YTHDC1: variants seen among roughly 807,000 people sequenced by gnomAD.
The protein encoded by YTHDC1 is YTH N6-methyladenosine RNA binding protein C1.
YTHDC1 carries 12 observed loss-of-function variants against 107.0 expected under a neutral mutation model. The observed-to-expected ratio is 0.11, with a 90% CI of 0.07 to 0.18. The LOEUF (loss-of-function observed/expected upper bound fraction) is 0.18, where lower values mean the gene tolerates loss of function less well. YTHDC1 is among the 10% of genes least tolerant of loss of function. The probability of loss-of-function intolerance (pLI) is 1.00; values close to 1 mark genes in which losing one functional copy is unlikely to be tolerated. For missense variants in YTHDC1, 635 were observed against 898.8 expected (o/e 0.71, Z 3.75); for synonymous variants, 280 against 289.5 (o/e 0.97, Z 0.33).
At chr4:68,344,540 G>A (rs1725206115) in intron 1 of YTHDC1, among the ~76,000 whole-genome samples, 1 of 152,152 alleles carries the variant, frequency 6.6e-6, no homozygotes, top group African/African-American at 2.4e-5. Flanking sequence ...ATTTTTATTT[G>A]GAATTGCATG....
intron 7 of YTHDC1, 70 bp downstream of exon 7, chr4:68,332,033 T>C: frequency 1.0e-6 from 1 of 963,376 alleles, no homozygotes. Context: ...CTACTTGATA[T>C]AATACAAGTC....
chr4:68,341,882 T>G (rs934493804), intron 1 of YTHDC1, among the ~76,000 whole-genome samples: 1 of 152,138 alleles, frequency 6.6e-6, no homozygotes, highest in Non-Finnish European at 1.5e-5. Context: ...AAGGTCAGTT[T>G]TGGGGAAAGG....
At position 68,337,130 on chromosome 4, in the gene YTHDC1, C is replaced by T. The variant is rs1432099754; in HGVS notation, c.780G>A (p.Glu260=). ...CACTTCGAGTGTCATAATCATTTCC[C>T]TCCTCTTTCTGGTCTCTCTCATCCT... ...YEQDERDQKE[E]GNDYDTRSEA... Residue 260 remains glutamate (E), a synonymous_variant, in exon 4 of 17, where the codon GAG becomes GAA. Coordinates refer to ENST00000344157, the MANE Select transcript of YTHDC1 (RefSeq NM_001031732.4). 5 of 1,613,878 alleles carry T rather than the reference C, an allele frequency of 3.1e-6. No homozygotes were observed. In the African/African-American group the frequency reaches 5.3e-5, roughly 17 times the overall value.
intron 16 of YTHDC1, 118 bp from the exon 17 acceptor site, chr4:68,314,441 C>A: frequency 1.2e-6 from 1 of 856,948 alleles, no homozygotes; most frequent in Non-Finnish European, 1.7e-6. Flanking sequence ...AGAAAAGTCT[C>A]TGTATTATAA....
intron 1 of YTHDC1, among the ~76,000 whole-genome samples, chr4:68,341,869 A>C (rs971501796): frequency 6.6e-6 from 1 of 152,148 alleles, no homozygotes; most frequent in Non-Finnish European, 1.5e-5. Flanking sequence ...GAGGCACTTA[A>C]AAAAGGTCAG....
chr4:68,334,836 C>A (rs1294684652), intron 4 of YTHDC1, among the ~76,000 whole-genome samples: 1 of 151,992 alleles, frequency 6.6e-6, no homozygotes, highest in African/African-American at 2.4e-5. Context: ...CCAGCCTGGG[C>A]AACATAGCAA....
At chr4:68,314,712 T>C (rs1318665788) in intron 16 of YTHDC1, among the ~76,000 whole-genome samples, 1 of 152,218 alleles carries the variant, frequency 6.6e-6, no homozygotes, top group African/African-American at 2.4e-5. Context: ...GTCATCAATG[T>C]TTTTCTGGCA....
At chr4:68,338,145 G>A (rs1724423369) in intron 2 of YTHDC1, 138 bp downstream of exon 2, 4 of 1,296,580 alleles carry the variant, frequency 3.1e-6, no homozygotes, top group South Asian at 2.9e-5. Context: ...TATTCATATG[G>A]ATACCAGTTT....
Position 68,337,914 on chromosome 4 carries a change from TG to T in YTHDC1, c.131-15del. ...TTCTTTTTGATCCTTTAAAATACAATGTAAAAAAAAAAAAAAGAAGTATTTG... is the reference window on the plus strand; with the variant it reads ...TTCTTTTTGATCCTTTAAAATACAATTAAAAAAAAAAAAAAGAAGTATTTG... On this transcript the variant is annotated splice_polypyrimidine_tract_variant and intron_variant, in intron 2 of 16. Coordinates refer to ENST00000344157, the MANE Select transcript of YTHDC1 (RefSeq NM_001031732.4). 1 of 1,571,820 alleles carries T rather than the reference TG, an allele frequency of 6.4e-7. No individual in the cohort carries two copies. Among genetic ancestry groups the T allele is most frequent in the South Asian group, 1.2e-5 (1 of 85,182 alleles).
At chr4:68,318,057 T>C (rs1722054076) in intron 15 of YTHDC1, among the ~76,000 whole-genome samples, 2 of 152,194 alleles carry the variant, frequency 1.3e-5, no homozygotes, top group South Asian at 4.1e-4. Context: ...TTTTAGTCTT[T>C]AGTTTGAAAG....
chr4:68,318,487 T>TA, intron 15 of YTHDC1, 32 bp downstream of exon 15: 1 of 1,561,852 alleles, frequency 6.4e-7, no homozygotes, highest in Non-Finnish European at 8.7e-7. Context: ...CAAATTAAGT[T>TA]ATGTAACTTA....
intron 9 of YTHDC1, among the ~76,000 whole-genome samples, chr4:68,328,585 G>A (rs1251258125): frequency 1.3e-5 from 2 of 152,234 alleles, no homozygotes; most frequent in South Asian, 2.1e-4. Flanking sequence ...ATATATTTAA[G>A]AGACAAACTA....
At chr4:68,338,014 T>TAAA in intron 2 of YTHDC1, 114 bp from the exon 3 acceptor site, 1 of 1,467,320 alleles carries the variant, frequency 6.8e-7, no homozygotes, top group Non-Finnish European at 8.9e-7. Context: ...CTCATTTCTT[T>TAAA]AAAAGTCTTC....
At chr4:68,317,065 T>G (rs1182216882) in intron 15 of YTHDC1, among the ~76,000 whole-genome samples, 1 of 152,096 alleles carries the variant, frequency 6.6e-6, no homozygotes, top group Non-Finnish European at 1.5e-5. Flanking sequence ...ACCTTGTCTC[T>G]ATAAAAAAAT....
Position 68,330,230 on chromosome 4 carries a change from A to G in YTHDC1, c.1203T>C (p.Phe401=). ...GAAATTTTCCACTCTCTCTGACAGAAAATATTAAGATAACACTCCTTGCAG... is the reference window on the plus strand; with the variant it reads ...GAAATTTTCCACTCTCTCTGACAGAGAATATTAAGATAACACTCCTTGCAG... The part of the protein sequence containing the change: ...FRSARSVILI[F]SVRESGKFQG... Residue 401 remains phenylalanine (F), a synonymous_variant, in exon 8 of 17, where the codon TTT becomes TTC. Transcript: ENST00000344157. The G allele has an allele frequency of 6.2e-7, 1 of 1,604,174 alleles. No individual in the cohort carries two copies. The highest frequency in any genetic ancestry group is 1.1e-5 in the South Asian group (1 of 89,120).
At chr4:68,328,589 C>G (rs1259453048) in intron 9 of YTHDC1, among the ~76,000 whole-genome samples, 3 of 152,180 alleles carry the variant, frequency 2.0e-5, no homozygotes, top group Non-Finnish European at 2.9e-5. Context: ...ATTTAAGAGA[C>G]AAACTATAAT....
chr4:68,346,697 C>A (rs185375522), intron 1 of YTHDC1, among the ~76,000 whole-genome samples: 2 of 152,228 alleles, frequency 1.3e-5, no homozygotes, highest in Non-Finnish European at 2.9e-5. Context: ...ATGGCAGTGT[C>A]AGTGTTCAAA....
Position 68,332,187 on chromosome 4 carries a change from A to T in YTHDC1, c.1038T>A (p.Ser346Arg). Residue 346 changes from serine to arginine, a missense_variant, in exon 7 of 17, where the codon AGT becomes AGA. By Grantham distance (110) the Ser-to-Arg change is moderately radical. Transcript: ENST00000344157. ...CATCTTGAAGCACATATTTGAGTTT[A>T]CTGGTTTGATCTGAAAAAAAAAGAA... ...SVRAVRKDQT[S>R]KLKYVLQDAR... 1 of 1,601,484 alleles carries T rather than the reference A, an allele frequency of 6.2e-7. No individual in the cohort carries two copies.
chr4:68,333,247 C>A, intron 5 of YTHDC1, 61 bp downstream of exon 5: 1 of 1,337,368 alleles, frequency 7.5e-7, no homozygotes, highest in South Asian at 1.3e-5. Context: ...ACAGCCTCCA[C>A]ACGCTTTCTA....
Sources: gnomAD v4.1 joint callset for allele counts (sites outside exome capture counted in the v4.1 genomes callset) on GRCh38, gnomAD v4.1.1 for gene constraint, MANE v1.5 for transcripts, NCBI Gene and HGNC (gene_info 2026-07-23, HGNC 2026-07-21) for gene names.